Variants in ASB5 observed in about 807,000 individuals in gnomAD.
ASB5 encodes ankyrin repeat and SOCS box containing 5.
ASB5 carries 45 observed loss-of-function variants against 42.1 expected under a neutral mutation model. The ratio of observed to expected loss-of-function variants is 1.07; its 90% confidence interval spans 0.84 to 1.37. ASB5 has a LOEUF of 1.37. ASB5 is among the 40% of genes most tolerant of loss of function. The pLI is 0.00. For missense variants in ASB5, 402 were observed against 399.8 expected (o/e 1.01, Z -0.05); for synonymous variants, 147 against 150.6 (o/e 0.98, Z 0.18).
chr4:176,244,617 G>C (rs1220116549), intron 1 of ASB5, among the ~76,000 whole-genome samples: 2 of 152,116 alleles, frequency 1.3e-5, no homozygotes, highest in Non-Finnish European at 2.9e-5. Flanking sequence ...CTTGAGTTAA[G>C]ATGACCCAGG....
At chr4:176,228,718 T>C (rs1170956912) in intron 1 of ASB5, among the ~76,000 whole-genome samples, 2 of 152,234 alleles carry the variant, frequency 1.3e-5, no homozygotes, top group South Asian at 4.1e-4. Context: ...GGACAAAAAT[T>C]GGTGGCAAGG....
intron 1 of ASB5, among the ~76,000 whole-genome samples, chr4:176,251,805 G>A (rs143654887): frequency 2.0e-5 from 3 of 151,370 alleles, no homozygotes; most frequent in Non-Finnish European, 4.4e-5. Flanking sequence ...GATTGCTCAC[G>A]CCTATAATCC....
At chr4:176,218,801 TTGTATGATATATAAATATATA>T (rs1399311815) in intron 5 of ASB5, among the ~76,000 whole-genome samples, 22 of 49,018 alleles carry the variant, frequency 4.5e-4, no homozygotes, top group Admixed American at 7.6e-4. Context: ...ATATATATAT[TTGTATGATATATAAATATATA>T]TGTATGATAT....
At position 176,255,505 on chromosome 4, in the gene ASB5, A is replaced by G. The variant is rs138587743; in HGVS notation, c.196+13408T>C. 4.3e-4 allele frequency among the ~76,000 whole-genome samples: 66 copies of G among 152,388 alleles called. 1 individual carries two copies. Among genetic ancestry groups the G allele is most frequent in the African/African-American group, 1.6e-3 (65 of 41,594 alleles). On this transcript the variant is annotated intron_variant, in intron 1 of 6. Transcript: ENST00000296525. ...ATTGGATAAAGAGTATATGGTATAT[A>G]CACACCATGGAATACTACACAGCCA...
intron 2 of ASB5, among the ~76,000 whole-genome samples, chr4:176,224,449 G>T (rs998445101): frequency 2.6e-5 from 4 of 151,928 alleles, no homozygotes; most frequent in Admixed American, 6.6e-5. Context: ...TGGCCAGGCT[G>T]GTCTCAAACT....
chr4:176,246,490 G>A (rs145114025), intron 1 of ASB5, among the ~76,000 whole-genome samples: 293 of 152,330 alleles, frequency 1.9e-3, no homozygotes, highest in Middle Eastern at 6.8e-3. Flanking sequence ...AGTGTAGACA[G>A]TCCACACCAC....
chr4:176,269,186 G>T lies in ASB5; in HGVS notation c.-78C>A. On this transcript the variant is annotated 5_prime_UTR_variant, in exon 1 of 7. Coordinates refer to ENST00000296525, the MANE Select transcript of ASB5 (RefSeq NM_080874.4). Reference sequence around the variant, plus strand: ...CCTGGCTCTCGTCCGGGATGCTCCTGAACAGCTGGTCCTGAGGAAAGAAAA... The same window carrying T: ...CCTGGCTCTCGTCCGGGATGCTCCTTAACAGCTGGTCCTGAGGAAAGAAAA... 1 of 1,329,532 alleles carries T rather than the reference G, an allele frequency of 7.5e-7. No homozygotes were observed. The highest frequency in any genetic ancestry group is 1.0e-6 in the Non-Finnish European group (1 of 960,228). 82.4% of individuals were successfully genotyped at this position (1,329,532 alleles called of 1,614,324 possible).
At chr4:176,270,994 G>A (rs978590806), upstream of ASB5, among the ~76,000 whole-genome samples, 1 of 152,066 alleles carries the variant, frequency 6.6e-6, no homozygotes, top group Non-Finnish European at 1.5e-5. Context: ...AATTGTCTTC[G>A]CATGAGCTAA....
chr4:176,275,868 T>C (rs1754553679), exon 2 of ASB5: 1 of 152,228 alleles, frequency 6.6e-6, no homozygotes, highest in Non-Finnish European at 1.5e-5. Context: ...TCATCCCCAC[T>C]GCAGCGAGGC....
intron 1 of ASB5, among the ~76,000 whole-genome samples, chr4:176,259,827 T>A (rs1057398189): frequency 2.0e-5 from 3 of 152,230 alleles, no homozygotes; most frequent in African/African-American, 7.2e-5. Flanking sequence ...AGTTTAAGAC[T>A]ATAAGCCTTC....
At chr4:176,273,909 T>C (rs1474810180), upstream of ASB5, among the ~76,000 whole-genome samples, 1 of 152,228 alleles carries the variant, frequency 6.6e-6, no homozygotes, top group Non-Finnish European at 1.5e-5. Flanking sequence ...GAATTTGGTT[T>C]TTTGTTTTCT....
At chr4:176,271,147 A>G (rs528911426), upstream of ASB5, among the ~76,000 whole-genome samples, 9 of 152,300 alleles carry the variant, frequency 5.9e-5, no homozygotes, top group East Asian at 1.7e-3. Context: ...TCAAGATATC[A>G]GGTTTTGTTT....
At position 176,225,254 on chromosome 4, in the gene ASB5, T is replaced by C. The variant is rs1360823518; in HGVS notation, c.276+8A>G. The C allele has an allele frequency of 1.3e-6, 2 of 1,599,826 alleles. No homozygotes were observed. Among genetic ancestry groups the C allele is most frequent in the Non-Finnish European group, 1.7e-6 (2 of 1,167,242 alleles). On this transcript the variant is annotated splice_region_variant and intron_variant, in intron 2 of 6. Transcript: ENST00000296525. ...GGGGTATATTTTAAACTATATGTAATATATTACCTGTGATAATAATGTTCT... is the reference window on the plus strand; with the variant it reads ...GGGGTATATTTTAAACTATATGTAACATATTACCTGTGATAATAATGTTCT...
intron 1 of ASB5, among the ~76,000 whole-genome samples, chr4:176,243,881 C>A (rs1488438543): frequency 2.0e-5 from 3 of 152,092 alleles, no homozygotes; most frequent in Non-Finnish European, 4.4e-5. Context: ...TTGGGCACAT[C>A]TTTCTTGATC....
intron 1 of ASB5, among the ~76,000 whole-genome samples, chr4:176,264,250 A>G (rs1281716809): frequency 6.6e-6 from 1 of 152,214 alleles, no homozygotes; most frequent in Admixed American, 6.6e-5. Context: ...AATTTTCCAC[A>G]ATCCAAAATT....
intron 1 of ASB5, among the ~76,000 whole-genome samples, chr4:176,238,536 G>A (rs979530035): frequency 1.5e-4 from 23 of 152,202 alleles, no homozygotes; most frequent in South Asian, 4.1e-4. Context: ...GGAATCAAGA[G>A]CAGCGACCGA....
intron 5 of ASB5, 69 bp from the exon 6 acceptor site, chr4:176,217,078 G>A (rs909659502): frequency 7.6e-7 from 1 of 1,320,190 alleles, no homozygotes; most frequent in Non-Finnish European, 1.0e-6. Flanking sequence ...CCTCAGTGGG[G>A]ATAGAAAAGG....
In ASB5 at chr4:176,268,922, G is replaced by C. The variant is rs143631688; in HGVS notation, c.187C>G (p.Gln63Glu). 37 of 1,610,172 alleles carry C rather than the reference G, an allele frequency of 2.3e-5. No individual in the cohort carries two copies. The highest frequency in any genetic ancestry group is 3.1e-5 in the Non-Finnish European group (36 of 1,178,250). ...ATTATCATAAACATACCTTGTCCTT[G>C]GGTTACTCCATAAAATTCAGCTGCT... is the stretch of plus-strand genomic sequence containing the variant. ...RIAAEFYGVTQGQGSWADRSP... is the reference protein window; with the variant it reads ...RIAAEFYGVTEGQGSWADRSP... The change falls in exon 1 of 7, where the codon CAA becomes GAA. Residue 63 changes from glutamine (Q) to glutamate (E), a missense_variant. Coordinates refer to ENST00000296525, the MANE Select transcript of ASB5 (RefSeq NM_080874.4).
intron 1 of ASB5, among the ~76,000 whole-genome samples, chr4:176,276,245 A>G (rs972121854): frequency 1.3e-5 from 2 of 152,176 alleles, no homozygotes; most frequent in African/African-American, 2.4e-5. Context: ...TATTAGCTAC[A>G]TTGTAATTAT....
Sources: allele counts gnomAD v4.1 joint callset (sites outside exome capture counted in the v4.1 genomes callset), GRCh38; gene constraint gnomAD v4.1.1; transcripts MANE v1.5; gene names NCBI Gene and HGNC (gene_info 2026-07-23, HGNC 2026-07-21).